NTNG1: variants seen among roughly 807,000 people sequenced by gnomAD.
NTNG1 encodes the protein netrin-G1.
A neutral mutation model predicts 54.0 loss-of-function variants in NTNG1; 16 were observed. The ratio of observed to expected loss-of-function variants is 0.30; its 90% CI spans 0.20 to 0.45. The LOEUF is 0.45. Among genes scored for constraint, NTNG1 ranks in the 20% least tolerant of loss-of-function variants. The pLI, the probability that NTNG1 is intolerant of heterozygous loss-of-function variation, is 1.00. For missense variants in NTNG1, 530 were observed against 678.7 expected (o/e 0.78, Z 2.43); for synonymous variants, 255 against 263.1 (o/e 0.97, Z 0.30).
chr1:107,395,853 C>A (rs932467112), intron 4 of NTNG1, among the ~76,000 whole-genome samples: 2 of 152,148 alleles, frequency 1.3e-5, no homozygotes, highest in Admixed American at 1.3e-4. Context: ...TTGAAACATA[C>A]CTGCTTTGGA....
intron 4 of NTNG1, among the ~76,000 whole-genome samples, chr1:107,400,285 C>T (rs1570873406): frequency 1.3e-5 from 2 of 152,154 alleles, no homozygotes; most frequent in East Asian, 3.9e-4. Flanking sequence ...TTCTGTCTCT[C>T]TCTCAAATAT....
chr1:107,430,178 C>T (rs1379162857), intron 5 of NTNG1, among the ~76,000 whole-genome samples: 1 of 152,104 alleles, frequency 6.6e-6, no homozygotes, highest in Non-Finnish European at 1.5e-5. Flanking sequence ...CTTCTCTTAG[C>T]ATTGGGGAAA....
intron 6 of NTNG1, 75 bp from the exon 7 acceptor site, chr1:107,436,590 C>T (rs1675610282): frequency 5.4e-6 from 7 of 1,291,006 alleles, no homozygotes; most frequent in Admixed American, 2.3e-5. Context: ...CATTTAAGTA[C>T]GTGACGCTCC....
At position 107,402,227 on chromosome 1, in the gene NTNG1, G is replaced by A. The variant is rs147748823; in HGVS notation, c.1061-5455G>A. ...TAATAATCAGGAGGTTGCTTGGTGA[G>A]CATGGGATCAGGAAATTTGAATGAC... is the stretch of plus-strand genomic sequence containing the variant. On this transcript the variant is annotated intron_variant, in intron 4 of 7. Coordinates refer to ENST00000370068, the MANE Select transcript of NTNG1 (RefSeq NM_001113226.3). Among the ~76,000 whole-genome samples the A allele has an allele frequency of 1.4e-4, 21 of 152,264 alleles. No homozygotes were observed. The East Asian group carries it at 4.1e-3, about 29-fold the overall frequency.
At chr1:107,256,388 G>A (rs1021851989) in intron 2 of NTNG1, among the ~76,000 whole-genome samples, 9 of 151,838 alleles carry the variant, frequency 5.9e-5, no homozygotes, top group Non-Finnish European at 1.3e-4. Flanking sequence ...ATGTATTTAT[G>A]CACTATTGAA....
intron 2 of NTNG1, among the ~76,000 whole-genome samples, chr1:107,163,753 C>T (rs566130120): frequency 5.8e-4 from 88 of 152,050 alleles, no homozygotes; most frequent in African/African-American, 1.9e-3. Flanking sequence ...TGTCTACGAA[C>T]GATGTAATAA....
chr1:107,476,699 C>T (rs938058207), intron 7 of NTNG1, among the ~76,000 whole-genome samples: 3 of 152,178 alleles, frequency 2.0e-5, no homozygotes, highest in East Asian at 1.9e-4. Flanking sequence ...GGTCTCCTTA[C>T]CTCCAGTCTG....
intron 3 of NTNG1, among the ~76,000 whole-genome samples, chr1:107,374,310 A>T (rs1671097720): frequency 6.6e-6 from 1 of 152,118 alleles, no homozygotes; most frequent in Non-Finnish European, 1.5e-5. Context: ...TATTTATTCA[A>T]ATATTTATTT....
At chr1:107,397,241 T>A (rs1327953293) in intron 4 of NTNG1, among the ~76,000 whole-genome samples, 1 of 152,176 alleles carries the variant, frequency 6.6e-6, no homozygotes, top group East Asian at 1.9e-4. Context: ...AGGTGATGGA[T>A]GGACCCAGTG....
chr1:107,401,445 T>G (rs1673033829), intron 4 of NTNG1, among the ~76,000 whole-genome samples: 1 of 152,132 alleles, frequency 6.6e-6, no homozygotes, highest in Non-Finnish European at 1.5e-5. Flanking sequence ...TCTTTAGGAT[T>G]TTACAAAGGT....
At chr1:107,390,571 C>A (rs1194813576) in intron 3 of NTNG1, among the ~76,000 whole-genome samples, 1 of 152,108 alleles carries the variant, frequency 6.6e-6, no homozygotes, top group Non-Finnish European at 1.5e-5. Flanking sequence ...TGAAAACCAA[C>A]AATTAGGGCA....
At chr1:107,323,965 C>A (rs561798412) in intron 2 of NTNG1, among the ~76,000 whole-genome samples, 1 of 151,974 alleles carries the variant, frequency 6.6e-6, no homozygotes, top group African/African-American at 2.4e-5. Context: ...TAAGAGGAAG[C>A]GGAGGTATTG....
intron 2 of NTNG1, among the ~76,000 whole-genome samples, chr1:107,220,744 T>C (rs1660285746): frequency 6.6e-6 from 1 of 152,200 alleles, no homozygotes; most frequent in Admixed American, 6.5e-5. Context: ...GCCTAATGGA[T>C]CTTTATCATT....
At chr1:107,334,373 G>T (rs977373734) in intron 3 of NTNG1, among the ~76,000 whole-genome samples, 2 of 151,798 alleles carry the variant, frequency 1.3e-5, no homozygotes, top group African/African-American at 4.8e-5. Context: ...TATCAGGGAA[G>T]CAAAGCTGTT....
chr1:107,261,700 G>A (rs113154822), intron 2 of NTNG1, among the ~76,000 whole-genome samples: 18,537 of 152,012 alleles, frequency 0.12, 1,528 homozygotes, highest in East Asian at 0.41. Context: ...AAAATTAGCC[G>A]GGCGTGGTGG....
intron 5 of NTNG1, among the ~76,000 whole-genome samples, chr1:107,415,881 T>C (rs1674163894): frequency 6.6e-6 from 1 of 152,174 alleles, no homozygotes; most frequent in Admixed American, 6.6e-5. Context: ...ATGCTTAATT[T>C]ACTTCTGGGA....
chr1:107,166,884 A>C lies in NTNG1; in HGVS notation c.246+18045A>C, dbSNP rs533778433. 2.0e-5 allele frequency among the ~76,000 whole-genome samples: 3 copies of C among 152,270 alleles called. No individual in the cohort carries two copies. The South Asian group carries it at 6.2e-4, about 32-fold the overall frequency. On this transcript the variant is annotated intron_variant, in intron 2 of 7. Transcript: ENST00000370068. ...CATAACAGTAGATGGGGAAATATCA[A>C]AGTCACTGGTGCTGTCATTAAGTAC... is the stretch of plus-strand genomic sequence containing the variant.
At chr1:107,210,477 A>G (rs1483133832) in intron 2 of NTNG1, among the ~76,000 whole-genome samples, 1 of 152,132 alleles carries the variant, frequency 6.6e-6, no homozygotes, top group Non-Finnish European at 1.5e-5. Flanking sequence ...TTCCACTGAG[A>G]TGGGGGACAT....
chr1:107,434,804 C>T (rs1212890116), intron 6 of NTNG1, among the ~76,000 whole-genome samples: 1 of 152,078 alleles, frequency 6.6e-6, no homozygotes, highest in Non-Finnish European at 1.5e-5. Context: ...ATATGATCCT[C>T]CAAGACTCTT....
Sources: gnomAD v4.1 joint callset for allele counts (sites outside exome capture counted in the v4.1 genomes callset) on GRCh38, gnomAD v4.1.1 for gene constraint, MANE v1.5 for transcripts, NCBI Gene and HGNC (gene_info 2026-07-23, HGNC 2026-07-21) for gene names.